SPTB: variants seen among roughly 807,000 people sequenced by gnomAD.
SPTB encodes spectrin beta, erythrocytic.
SPTB carries 45 observed loss-of-function variants against 256.2 expected under a neutral mutation model. The observed-to-expected ratio is 0.18, with a 90% CI of 0.14 to 0.23. SPTB has a LOEUF of 0.23. Ranked by LOEUF, SPTB falls within the 10% of genes least tolerant of loss-of-function variation. SPTB has a pLI of 1.00. For missense variants in SPTB, 2,715 were observed against 3,040.4 expected (o/e 0.89, Z 2.52); for synonymous variants, 1,231 against 1,243.1 (o/e 0.99, Z 0.21).
chr14:64,848,758 T>C (rs992657831), intron 1 of SPTB, among the ~76,000 whole-genome samples: 1 of 152,198 alleles, frequency 6.6e-6, no homozygotes. Context: ...TATAGGGGAA[T>C]TCCAACATTT....
rs2083382506 is a variant in SPTB at position 64,826,706 on chromosome 14, G to A, written c.-51-3561C>T. On this transcript the variant is annotated intron_variant, in intron 1 of 35. Transcript: ENST00000644917. This position sits in a 1 kb window ranked among gnomAD's most constrained non-coding sequence, Gnocchi z 4.4. ...GAACCCACCTGACCCTCGTCAAAGTGTAGGTGGGTCTTCTCTGGTCTCCGT... is the reference window on the plus strand; with the variant it reads ...GAACCCACCTGACCCTCGTCAAAGTATAGGTGGGTCTTCTCTGGTCTCCGT... Among the ~76,000 whole-genome samples, 1 of 152,138 alleles carries A rather than the reference G, an allele frequency of 6.6e-6. No individual in the cohort carries two copies. Among genetic ancestry groups the A allele is most frequent in the South Asian group, 2.1e-4 (1 of 4,824 alleles).
At chr14:64,774,596 C>T in intron 23 of SPTB, 69 bp from the exon 24 acceptor site, 2 of 1,549,222 alleles carry the variant, frequency 1.3e-6, no homozygotes, top group Non-Finnish European at 1.7e-6. Context: ...CAAGTTGTGC[C>T]CCCACTCCTG....
In SPTB at chr14:64,785,624, G is replaced by A. The variant is rs761421171; in HGVS notation, c.3768C>T (p.His1256=). 2.0e-5 allele frequency: 33 copies of A among 1,613,962 alleles called. No individual in the cohort carries two copies. In the South Asian group the frequency reaches 3.5e-4, roughly 17 times the overall value. The stretch of plus-strand genomic sequence containing the variant: ...CCTGGGCCTTCTCGTTGTTCTTCCT[G>A]TGCCTGGAAAGGAAGCCAAAAGCAC... ...KEKVQLIEDR[H]RKNNEKAQEA... The change falls in exon 18 of 36, where the codon CAC becomes CAT. Residue 1256 remains histidine (H), a synonymous_variant. Transcript: ENST00000644917. The surrounding 1 kb of genome is among the most constrained non-coding windows in gnomAD (Gnocchi z 4.4).
intron 1 of SPTB, among the ~76,000 whole-genome samples, chr14:64,865,200 G>A (rs777998900): frequency 2.0e-5 from 3 of 152,064 alleles, no homozygotes; most frequent in African/African-American, 4.8e-5. Context: ...AGTATAGACT[G>A]TAATGATCAC....
chr14:64,767,891 C>G (rs1288547093), intron 29 of SPTB, 32 bp from the exon 30 acceptor site: 2 of 1,610,780 alleles, frequency 1.2e-6, no homozygotes, highest in South Asian at 2.2e-5. Flanking sequence ...AGACCCCCCA[C>G]AAGGCCCAGG....
rs1423149594 is a variant in SPTB at position 64,802,278 on chromosome 14, T to G, written c.514A>C (p.Thr172Pro). The G allele has an allele frequency of 1.9e-6, 3 of 1,614,230 alleles. No individual in the cohort carries two copies. In the South Asian group the frequency reaches 3.3e-5, roughly 18 times the overall value. The stretch of plus-strand genomic sequence containing the variant: ...AGCAACGCATCCTTGGCTGAGCGTG[T>G]TTCACGACCTTCCTGAGTTTGGACC... ...IVVQTQEGRE[T>P]RSAKDALLLW... Residue 172 changes from threonine to proline, a missense_variant, in exon 5 of 36, where the codon ACA (threonine) becomes CCA (proline). By Grantham distance (38) the Thr-to-Pro change is conservative. Transcript: ENST00000644917. This position sits in a 1 kb window ranked among gnomAD's most constrained non-coding sequence, Gnocchi z 5.1.
intron 32 of SPTB, among the ~76,000 whole-genome samples, chr14:64,765,041 T>TGTGTGTGTGTGTGTGTGTGTGCGC (rs570414192): frequency 8.5e-6 from 1 of 116,988 alleles, no homozygotes; most frequent in African/African-American, 3.4e-5. Flanking sequence ...TGTGTGTGTG[T>TGTGTGTGTGTGTGTGTGTGTGCGC]GCGCGCGCGC....
intron 32 of SPTB, 54 bp from the exon 33 acceptor site, chr14:64,753,847 G>A: frequency 2.5e-6 from 4 of 1,603,940 alleles, no homozygotes; most frequent in South Asian, 1.1e-5. Context: ...GCTTAGAGAT[G>A]GCTGTTCTCA....
rs1428890712 is a variant in SPTB, at chr14:64,805,049, C to T, written c.190G>A (p.Val64Met). The T allele has an allele frequency of 6.8e-6, 11 of 1,614,042 alleles. No individual in the cohort carries two copies. The highest frequency in any genetic ancestry group is 8.5e-6 in the Non-Finnish European group (10 of 1,180,046). ...VVQKKTFTKW[V>M]NSHLARVSCR... Reference sequence around the variant, plus strand: ...GACACTCGAGCCAGGTGCGAGTTCACCCATTTCGTGAAGGTCTTTTTCTGA... The same window carrying T: ...GACACTCGAGCCAGGTGCGAGTTCATCCATTTCGTGAAGGTCTTTTTCTGA... Residue 64 changes from valine to methionine, a missense_variant, in exon 3 of 36, where the codon GTG (valine) becomes ATG (methionine). Physicochemically the swap from Val to Met is conservative, Grantham distance 21. Transcript: ENST00000644917.
rs1265076143 is a variant in SPTB at position 64,779,950 on chromosome 14, G to A, written c.4267-19C>T. The A allele has an allele frequency of 2.5e-6, 4 of 1,609,842 alleles. No homozygotes were observed. Among genetic ancestry groups the A allele is most frequent in the African/African-American group, 1.3e-5 (1 of 74,768 alleles). On this transcript the variant is annotated intron_variant, in intron 20 of 35. Transcript: ENST00000644917. The surrounding 1 kb of genome is among the most constrained non-coding windows in gnomAD (Gnocchi z 4.2). ...CCACTCGCTGAGACACAAGGGGACG[G>A]TGTCAGCACCAGCCTTGGCACCTGC...
rs1298605536 is a variant in SPTB at position 64,795,790 on chromosome 14, G to A, written c.1342-151C>T. On this transcript the variant is annotated intron_variant, in intron 11 of 35. Transcript: ENST00000644917. This position sits in a 1 kb window ranked among gnomAD's most constrained non-coding sequence, Gnocchi z 6.5. The stretch of plus-strand genomic sequence containing the variant: ...TAGTTCTGCCTTACTTTTGCAGCCT[G>A]TCTTATCAGACCCAAGTTCCAAAAA... The A allele has an allele frequency of 6.1e-6, 5 of 821,832 alleles. No individual in the cohort carries two copies. The highest frequency in any genetic ancestry group is 3.1e-5 in the South Asian group (2 of 64,638). 50.9% of individuals were successfully genotyped at this position (821,832 alleles called of 1,614,324 possible).
In SPTB at chr14:64,779,093, C is replaced by T; in HGVS notation, c.4563+64G>A. ...TTCTGCAGGTCAGGGCTGGGCCTAC[C>T]CCCGTGGGGCCAGGTGGGGGTGAGG... is the stretch of plus-strand genomic sequence containing the variant. On this transcript the variant is annotated intron_variant, in intron 22 of 35. Transcript: ENST00000644917. The surrounding 1 kb of genome is among the most constrained non-coding windows in gnomAD (Gnocchi z 4.2). 7.2e-7 allele frequency: 1 copy of T among 1,385,998 alleles called. No individual in the cohort carries two copies. The highest frequency in any genetic ancestry group is 1.0e-6 in the Non-Finnish European group (1 of 989,086). The allele number at this position is 1,385,998 out of a possible 1,614,324, so 85.9% of individuals were successfully genotyped here.
chr14:64,747,435 C>T lies in SPTB; in HGVS notation c.*1871G>A, dbSNP rs1186699882. 1 of 152,640 alleles carries T rather than the reference C, an allele frequency of 6.6e-6. No individual in the cohort carries two copies. The highest frequency in any genetic ancestry group is 2.4e-5 in the African/African-American group (1 of 41,450). 9.5% of individuals were successfully genotyped at this position (152,640 alleles called of 1,614,324 possible). ...CTGGTGAGTGATACACACTAGGTTC[C>T]CTGTATAGGGTCATATGTACCAAAG... On this transcript the variant is annotated 3_prime_UTR_variant, in exon 36 of 36. Transcript: ENST00000644917.
chr14:64,758,911 T>C lies in SPTB; in HGVS notation c.6346-5118A>G, dbSNP rs1458426302. Among the ~76,000 whole-genome samples, 1 of 150,648 alleles carries C rather than the reference T, an allele frequency of 6.6e-6. No homozygotes were observed. Among genetic ancestry groups the C allele is most frequent in the Non-Finnish European group, 1.5e-5 (1 of 67,846 alleles). Reference sequence around the variant, plus strand: ...GGGGCCTTTTATTTCTAGCCATGCCTCTGGGAGGGGTATGTAGGTAGAATC... The same window carrying C: ...GGGGCCTTTTATTTCTAGCCATGCCCCTGGGAGGGGTATGTAGGTAGAATC... On this transcript the variant is annotated intron_variant, in intron 32 of 35. Transcript: ENST00000644917. This position sits in a 1 kb window ranked among gnomAD's most constrained non-coding sequence, Gnocchi z 4.6.
chr14:64,849,893 G>A (rs2083753575), intron 1 of SPTB, among the ~76,000 whole-genome samples: 1 of 152,146 alleles, frequency 6.6e-6, no homozygotes, highest in African/African-American at 2.4e-5. Context: ...CGCATGGGCT[G>A]TACTCTTCAA....
At position 64,823,055 on chromosome 14, in the gene SPTB, G is replaced by A. The variant is rs147059670; in HGVS notation, c.40C>T (p.Pro14Ser). The A allele has an allele frequency of 1.2e-3, 1,995 of 1,614,170 alleles. 11 individuals carry two copies. Among genetic ancestry groups the A allele is most frequent in the Non-Finnish European group, 1.4e-3 (1,677 of 1,180,038 alleles). Residue 14 changes from proline to serine, a missense_variant, in exon 2 of 36, where the codon CCA (proline) becomes TCA (serine). Physicochemically the swap from Pro to Ser is moderately conservative, Grantham distance 74. Coordinates refer to ENST00000644917, the MANE Select transcript of SPTB (RefSeq NM_001355436.2). This position sits in a 1 kb window ranked among gnomAD's most constrained non-coding sequence, Gnocchi z 6.5. ...CGGGCATTGATCCTGCTGTAAGGTGGCTGGTTGCCCACATTTTCAAACTCT... is the reference window on the plus strand; with the variant it reads ...CGGGCATTGATCCTGCTGTAAGGTGACTGGTTGCCCACATTTTCAAACTCT... ...ATEFENVGNQPPYSRINARWD... is the reference protein window; with the variant it reads ...ATEFENVGNQSPYSRINARWD...
rs2082765389 is a variant in SPTB at position 64,796,162 on chromosome 14, C to A, written c.1341+395G>T. ...TCTGATGAAGAATCAGCCCTGGGGT[C>A]AATTCTTAGCTAGAATTATGTCACA... On this transcript the variant is annotated intron_variant, in intron 11 of 35. Coordinates refer to ENST00000644917, the MANE Select transcript of SPTB (RefSeq NM_001355436.2). This position sits in a 1 kb window ranked among gnomAD's most constrained non-coding sequence, Gnocchi z 4.1. 6.6e-6 allele frequency among the ~76,000 whole-genome samples: 1 copy of A among 152,136 alleles called. No individual in the cohort carries two copies. The highest frequency in any genetic ancestry group is 2.4e-5 in the African/African-American group (1 of 41,426).
intron 1 of SPTB, among the ~76,000 whole-genome samples, chr14:64,834,113 G>T (rs765738163): frequency 6.6e-6 from 1 of 152,068 alleles, no homozygotes; most frequent in African/African-American, 2.4e-5. Flanking sequence ...TGCAACCTCC[G>T]CCTTCCAGGT....
At chr14:64,820,003 T>A (rs2139689885) in intron 2 of SPTB, among the ~76,000 whole-genome samples, 1 of 152,274 alleles carries the variant, frequency 6.6e-6, no homozygotes, top group South Asian at 2.1e-4. Context: ...AGAGGCAGAA[T>A]CAGGACTTGA....
Sources: allele counts gnomAD v4.1 joint callset (sites outside exome capture counted in the v4.1 genomes callset), GRCh38; gene constraint gnomAD v4.1.1; non-coding constraint Gnocchi (gnomAD v3.1); transcripts MANE v1.5; gene names NCBI Gene and HGNC (gene_info 2026-07-23, HGNC 2026-07-21).